SGK3: variants seen among roughly 807,000 people sequenced by gnomAD.
The protein encoded by SGK3 is serine/threonine-protein kinase Sgk3.
SGK3 carries 47 observed loss-of-function variants against 68.5 expected under a neutral mutation model. That is an observed-to-expected ratio of 0.69 (90% CI 0.54 to 0.87). SGK3 has a LOEUF of 0.87. Ranked by LOEUF, SGK3 falls within the 40% of genes least tolerant of loss-of-function variation. The pLI is 0.00. For synonymous variants in SGK3, 181 were observed against 189.1 expected, an observed-to-expected ratio of 0.96 and a Z score of 0.35; for missense variants, 479 against 575.5, an observed-to-expected ratio of 0.83 and a Z score of 1.72.
At chr8:66,772,399 CT>C (rs112029105) in intron 1 of SGK3, among the ~76,000 whole-genome samples, 18,060 of 140,722 alleles carry the variant, frequency 0.13, 2,018 homozygotes, top group African/African-American at 0.31. Context: ...GATAAATATT[CT>C]TTTTTTTTTT....
intron 1 of SGK3, among the ~76,000 whole-genome samples, chr8:66,777,379 A>G (rs1806754603): frequency 6.6e-6 from 1 of 152,244 alleles, no homozygotes; most frequent in Admixed American, 6.5e-5. Context: ...AGTGCCTGGC[A>G]CACAGGAGGT....
chr8:66,830,592 A>G (rs1269140460), intron 7 of SGK3, among the ~76,000 whole-genome samples: 7 of 152,238 alleles, frequency 4.6e-5, no homozygotes, highest in Non-Finnish European at 5.9e-5. Context: ...TTTTGTCTAC[A>G]TAACAGCCAA....
chr8:66,785,067 T>A (rs1389892850), intron 1 of SGK3, among the ~76,000 whole-genome samples: 3 of 152,230 alleles, frequency 2.0e-5, no homozygotes, highest in African/African-American at 7.2e-5. Flanking sequence ...CCTGACCAAG[T>A]GCTGTCCAGA....
At chr8:66,733,854 G>T (rs951665818) in intron 1 of SGK3, among the ~76,000 whole-genome samples, 1 of 152,136 alleles carries the variant, frequency 6.6e-6, no homozygotes, top group Non-Finnish European at 1.5e-5. Flanking sequence ...TCCAAGCACT[G>T]ATTTATTTGA....
Position 66,840,962 on chromosome 8 carries a change from A to G in SGK3, c.892-62A>G, listed in dbSNP as rs1809777158. 1.5e-5 allele frequency: 19 copies of G among 1,298,564 alleles called. No individual in the cohort carries two copies. In the Admixed American group the frequency reaches 3.3e-4, roughly 23 times the overall value. The allele number at this position is 1,298,564 out of a possible 1,614,324, so 80.4% of individuals were successfully genotyped here. On this transcript the variant is annotated intron_variant, in intron 12 of 16. Coordinates refer to ENST00000521198, the MANE Select transcript of SGK3 (RefSeq NM_001033578.3). ...GTTTCAAAAAAAAAAAAAAAAATTA[A>G]CTGAAAAATTGTCAATTCATATTTA...
At position 66,800,536 on chromosome 8, in the gene SGK3, G is replaced by T. The variant is rs537865946; in HGVS notation, c.180+1911G>T. Among the ~76,000 whole-genome samples, 68 of 151,866 alleles carry T rather than the reference G, an allele frequency of 4.5e-4. No homozygotes were observed. The Middle Eastern group carries it at 0.01, about 23-fold the overall frequency. The stretch of plus-strand genomic sequence containing the variant: ...GGGTTATTATTTGTAAGATATTTTT[G>T]AATATGAGGAAAGTTACACATATAT... On this transcript the variant is annotated intron_variant, in intron 3 of 16. Transcript: ENST00000521198.
At chr8:66,725,094 G>A (rs746886137) in intron 1 of SGK3, among the ~76,000 whole-genome samples, 2 of 152,024 alleles carry the variant, frequency 1.3e-5, no homozygotes, top group East Asian at 1.9e-4. Context: ...GTGTGGTGGC[G>A]GGCATCTGTA....
chr8:66,750,516 C>T (rs752687102), intron 1 of SGK3, among the ~76,000 whole-genome samples: 5 of 151,838 alleles, frequency 3.3e-5, no homozygotes, highest in African/African-American at 9.7e-5. Flanking sequence ...AGGATTGGTT[C>T]GTATTTAGTC....
At chr8:66,798,331 A>G (rs1369427376) in intron 2 of SGK3, among the ~76,000 whole-genome samples, 1 of 152,118 alleles carries the variant, frequency 6.6e-6, no homozygotes, top group African/African-American at 2.4e-5. Context: ...GACAAGATTC[A>G]ATAAGTGCTT....
intron 1 of SGK3, among the ~76,000 whole-genome samples, chr8:66,785,620 T>C (rs1379513282): frequency 6.6e-6 from 1 of 152,176 alleles, no homozygotes; most frequent in Non-Finnish European, 1.5e-5. Flanking sequence ...CCAAATATCC[T>C]CTAGGCAAAA....
At chr8:66,789,387 A>G (rs1807343802) in intron 1 of SGK3, among the ~76,000 whole-genome samples, 1 of 152,228 alleles carries the variant, frequency 6.6e-6, no homozygotes. Context: ...AAGGGGAGAC[A>G]GTTCCAGAGT....
chr8:66,793,591 C>CTTTTTTT, intron 1 of SGK3, 25 bp from the exon 2 acceptor site: 1 of 564,918 alleles, frequency 1.8e-6, no homozygotes. Flanking sequence ...TTGCTAATCA[C>CTTTTTTT]TTTTTTTTTT....
At chr8:66,798,863 T>C (rs1315906034) in intron 3 of SGK3, among the ~76,000 whole-genome samples, 2 of 152,192 alleles carry the variant, frequency 1.3e-5, no homozygotes, top group Non-Finnish European at 2.9e-5. Flanking sequence ...CTAGATAAAA[T>C]ACCTTTTAAT....
intron 10 of SGK3, among the ~76,000 whole-genome samples, chr8:66,837,443 G>A (rs2130713045): frequency 6.6e-6 from 1 of 152,214 alleles, no homozygotes; most frequent in East Asian, 1.9e-4. Flanking sequence ...TTTGGGGGAA[G>A]ATTGTAAAAA....
intron 1 of SGK3, among the ~76,000 whole-genome samples, chr8:66,783,056 C>G (rs1585709539): frequency 6.6e-6 from 1 of 152,340 alleles, no homozygotes; most frequent in East Asian, 1.9e-4. Context: ...AACTGCCAAA[C>G]TGCCAGAGTG....
intron 1 of SGK3, among the ~76,000 whole-genome samples, chr8:66,728,570 G>A (rs890967155): frequency 1.4e-4 from 21 of 151,910 alleles, no homozygotes; most frequent in African/African-American, 4.4e-4. Context: ...CAGATGATCC[G>A]TCCACCTTGG....
chr8:66,831,338 T>C (rs772999938), intron 8 of SGK3, 27 bp downstream of exon 8: 1 of 1,609,510 alleles, frequency 6.2e-7, no homozygotes, highest in South Asian at 1.1e-5. Context: ...AGGTTTTTAT[T>C]TGGTTTTGGT....
At chr8:66,732,916 T>C (rs923259139) in intron 1 of SGK3, among the ~76,000 whole-genome samples, 6 of 152,220 alleles carry the variant, frequency 3.9e-5, no homozygotes, top group African/African-American at 1.2e-4. Flanking sequence ...GCAGTGATTT[T>C]TCAAACTGCA....
chr8:66,850,953 T>C (rs1216471585), intron 16 of SGK3, 33 bp downstream of exon 16: 2 of 1,565,826 alleles, frequency 1.3e-6, no homozygotes, highest in East Asian at 4.6e-5. Flanking sequence ...CTTTCTAGAA[T>C]CGTGAAACTT....
Sources: allele counts gnomAD v4.1 joint callset (sites outside exome capture counted in the v4.1 genomes callset), GRCh38; gene constraint gnomAD v4.1.1; transcripts MANE v1.5; gene names NCBI Gene and HGNC (gene_info 2026-07-23, HGNC 2026-07-21).